Variants in PDE5A observed in about 807,000 individuals in gnomAD.
The protein encoded by PDE5A is phosphodiesterase 5A.
A neutral mutation model predicts 110.2 loss-of-function variants in PDE5A; 67 were observed. The ratio of observed to expected loss-of-function variants is 0.61; its 90% CI spans 0.50 to 0.75. The LOEUF (loss-of-function observed/expected upper bound fraction) is 0.75. PDE5A is among the 30% of genes least tolerant of loss of function. The probability of loss-of-function intolerance (pLI) is 0.00; values close to 1 mark genes in which losing one functional copy is unlikely to be tolerated. For synonymous variants in PDE5A, 328 were observed against 351.2 expected, an observed-to-expected ratio of 0.93 and a Z score of 0.74; for missense variants, 862 against 1,045.1, an observed-to-expected ratio of 0.82 and a Z score of 2.42.
chr4:119,525,319 T>G lies in PDE5A; in HGVS notation c.1779+230A>C, dbSNP rs1344280950. ...ATCCTGCTCCTATTTTTAGGAACAC[T>G]CTCCCTTAGTCTTCACCCTGATACT... is the stretch of plus-strand genomic sequence containing the variant. On this transcript the variant is annotated intron_variant, in intron 12 of 20. Transcript: ENST00000354960. This position sits in a 1 kb window ranked among gnomAD's most constrained non-coding sequence, Gnocchi z 4.3. 3.9e-5 allele frequency among the ~76,000 whole-genome samples: 6 copies of G among 152,050 alleles called. No homozygotes were observed. Among genetic ancestry groups the G allele is most frequent in the Non-Finnish European group, 8.8e-5 (6 of 68,002 alleles).
At chr4:119,555,124 C>T (rs1727493289) in intron 7 of PDE5A, among the ~76,000 whole-genome samples, 1 of 152,174 alleles carries the variant, frequency 6.6e-6, no homozygotes, top group African/African-American at 2.4e-5. Flanking sequence ...TTCCTGAACC[C>T]TGTGGCCTGG....
chr4:119,616,115 T>C (rs1389604705), intron 1 of PDE5A, among the ~76,000 whole-genome samples: 1 of 152,214 alleles, frequency 6.6e-6, no homozygotes, highest in East Asian at 1.9e-4. Context: ...AATTTAGTTT[T>C]GCTTTTAAAC....
At chr4:119,606,169 T>C (rs1406390451) in intron 2 of PDE5A, among the ~76,000 whole-genome samples, 1 of 151,072 alleles carries the variant, frequency 6.6e-6, no homozygotes, top group Non-Finnish European at 1.5e-5. Flanking sequence ...AAAATTTCCA[T>C]TTTTTTGAAG....
chr4:119,617,030 A>AC (rs879318387), intron 1 of PDE5A, among the ~76,000 whole-genome samples: 4 of 152,124 alleles, frequency 2.6e-5, no homozygotes, highest in Non-Finnish European at 5.9e-5. Flanking sequence ...CATATTGGGT[A>AC]CACTTCATCT....
intron 1 of PDE5A, among the ~76,000 whole-genome samples, chr4:119,609,787 C>T (rs913250455): frequency 6.6e-6 from 1 of 152,050 alleles, no homozygotes; most frequent in East Asian, 1.9e-4. Context: ...GTTCTCACCA[C>T]AAAAAACGAT....
chr4:119,519,045 C>T lies in PDE5A; in HGVS notation c.2000G>A (p.Arg667Gln), dbSNP rs1438005042. The T allele has an allele frequency of 7.5e-6, 12 of 1,601,562 alleles. No homozygotes were observed. Among genetic ancestry groups the T allele is most frequent in the African/African-American group, 2.7e-5 (2 of 74,648 alleles). ...TCTTGCTTTACTGGGAAAGTCTTACCGCTGTATGTAAGAGTTATTCACACC... is the reference window on the plus strand; with the variant it reads ...TCTTGCTTTACTGGGAAAGTCTTACTGCTGTATGTAAGAGTTATTCACACC... Reference protein sequence around the residue: ...HRGVNNSYIQRSEHPLAQLYC... With the variant: ...HRGVNNSYIQQSEHPLAQLYC... The change falls in exon 14 of 21, where the codon CGA becomes CAA. Residue 667 changes from arginine to glutamine, a missense_variant and splice_region_variant. Transcript: ENST00000354960.
intron 10 of PDE5A, among the ~76,000 whole-genome samples, chr4:119,540,934 C>T (rs1446570010): frequency 6.6e-6 from 1 of 152,042 alleles, no homozygotes; most frequent in Non-Finnish European, 1.5e-5. Context: ...AGGTAAAAGC[C>T]TAATTATCCA....
rs1326739863 is a variant in PDE5A at position 119,494,406 on chromosome 4, T to C, written c.*4195A>G. The C allele has an allele frequency of 3.3e-5, 5 of 152,132 alleles. No homozygotes were observed. The highest frequency in any genetic ancestry group is 1.2e-4 in the African/African-American group (5 of 41,432). The allele number at this position is 152,132 out of a possible 1,614,324, so 9.4% of individuals were successfully genotyped here. A position where few individuals can be genotyped will look rare whatever the true frequency, so the allele number is the denominator to read the frequency against. ...ATAATCACACAGTATTCATACCTAC[T>C]TGATCATTCTTTTTATTTTTACAAA... On this transcript the variant is annotated 3_prime_UTR_variant, in exon 21 of 21. Coordinates refer to ENST00000354960, the MANE Select transcript of PDE5A (RefSeq NM_001083.4).
intron 7 of PDE5A, among the ~76,000 whole-genome samples, chr4:119,557,454 G>C (rs1727582807): frequency 6.6e-6 from 1 of 152,132 alleles, no homozygotes. Flanking sequence ...TGTACAATGT[G>C]TATCAATGAA....
At chr4:119,542,197 C>T (rs2110486696) in intron 10 of PDE5A, among the ~76,000 whole-genome samples, 1 of 152,268 alleles carries the variant, frequency 6.6e-6, no homozygotes, top group Admixed American at 6.5e-5. Context: ...ATATTGCTTT[C>T]TGCAGAAAAA....
intron 9 of PDE5A, 22 bp from the exon 10 acceptor site, chr4:119,542,656 A>G: frequency 6.2e-7 from 1 of 1,601,766 alleles, no homozygotes; most frequent in Middle Eastern, 1.7e-4. Context: ...CGAGAAATTG[A>G]GCAAATGTTA....
chr4:119,566,182 C>T (rs892113084), intron 4 of PDE5A, among the ~76,000 whole-genome samples: 1 of 151,932 alleles, frequency 6.6e-6, no homozygotes, highest in African/African-American at 2.4e-5. Context: ...GAACAGGAGC[C>T]TAGATGTCTA....
intron 11 of PDE5A, among the ~76,000 whole-genome samples, chr4:119,537,171 A>G (rs1726754634): frequency 6.6e-6 from 1 of 152,082 alleles, no homozygotes; most frequent in Admixed American, 6.6e-5. Context: ...CTTGCTTGTG[A>G]GCAATGCCAG....
chr4:119,554,727 TAAAC>T (rs1295531177), intron 7 of PDE5A, among the ~76,000 whole-genome samples: 1 of 151,356 alleles, frequency 6.6e-6, no homozygotes, highest in African/African-American at 2.4e-5. Flanking sequence ...GTACTGAAAA[TAAAC>T]CAAAGAAAAA....
intron 9 of PDE5A, among the ~76,000 whole-genome samples, chr4:119,547,670 T>C (rs1233024126): frequency 6.6e-6 from 1 of 152,074 alleles, no homozygotes; most frequent in Non-Finnish European, 1.5e-5. Context: ...AATGCTGTAA[T>C]TTAATTATGA....
intron 17 of PDE5A, 46 bp from the exon 18 acceptor site, chr4:119,504,645 T>C: frequency 6.8e-7 from 1 of 1,468,556 alleles, no homozygotes; most frequent in Non-Finnish European, 9.5e-7. Context: ...ACTTTTGTGT[T>C]ATTATATACC....
intron 11 of PDE5A, among the ~76,000 whole-genome samples, chr4:119,534,298 G>A (rs1305153454): frequency 7.0e-6 from 1 of 143,414 alleles, no homozygotes; most frequent in East Asian, 2.1e-4. Context: ...CACATAGCAG[G>A]AGGTGGTGAG....
intron 13 of PDE5A, among the ~76,000 whole-genome samples, chr4:119,520,533 T>C (rs143711055): frequency 6.6e-6 from 1 of 152,098 alleles, no homozygotes; most frequent in Non-Finnish European, 1.5e-5. Context: ...AACTTATCAA[T>C]GAAGCAAGTT....
intron 1 of PDE5A, among the ~76,000 whole-genome samples, chr4:119,618,638 A>C (rs1346700944): frequency 1.3e-5 from 2 of 152,118 alleles, no homozygotes; most frequent in Admixed American, 1.3e-4. Flanking sequence ...TTTGTCAAAA[A>C]TAAGTTATAG....
Sources: allele counts gnomAD v4.1 joint callset (sites outside exome capture counted in the v4.1 genomes callset), GRCh38; gene constraint gnomAD v4.1.1; non-coding constraint Gnocchi (gnomAD v3.1); transcripts MANE v1.5; gene names NCBI Gene and HGNC (gene_info 2026-07-23, HGNC 2026-07-21).